NCR1: variants seen among roughly 807,000 people sequenced by gnomAD.
The protein encoded by NCR1 is NK cell-activating receptor.
A neutral mutation model predicts 32.5 loss-of-function variants in NCR1; 30 were observed. That is an observed-to-expected ratio of 0.92 (90% CI 0.69 to 1.25). NCR1 has a LOEUF of 1.25. NCR1 is among the 50% of genes most tolerant of loss of function. NCR1 has a pLI of 0.00. For synonymous variants in NCR1, 169 were observed against 143.4 expected (o/e 1.18, Z -1.28); for missense variants, 369 against 380.7 (o/e 0.97, Z 0.26).
chr19:54,903,399 T>TACACGCATAC (rs1569535593), upstream of NCR1, among the ~76,000 whole-genome samples: 1,418 of 138,902 alleles, frequency 0.01, 49 homozygotes, highest in South Asian at 0.024. Context: ...CATATATGTA[T>TACACGCATAC]ATGTATGTAT....
the NCR1 span, chr19:54,936,400 G>A: frequency 2.2e-5 from 36 of 1,614,004 alleles, no homozygotes; most frequent in East Asian, 4.5e-5. Flanking sequence ...CAGAAGTCCC[G>A]GTACGCGGTG....
chr19:54,902,126 A>G (rs929214965), upstream of NCR1, among the ~76,000 whole-genome samples: 5 of 152,220 alleles, frequency 3.3e-5, no homozygotes, highest in African/African-American at 1.2e-4. Flanking sequence ...TTGAACATTA[A>G]TAACAGAATG....
chr19:54,914,636 G>A (rs568448812), downstream of NCR1, among the ~76,000 whole-genome samples: 4 of 152,166 alleles, frequency 2.6e-5, no homozygotes, highest in African/African-American at 9.6e-5. Context: ...ACCGTACCCG[G>A]CCACCATCTT....
chr19:54,934,598 T>G, the NCR1 span: 1 of 1,614,148 alleles, frequency 6.2e-7, no homozygotes, highest in Non-Finnish European at 8.5e-7. The surrounding 1 kb of genome is among the most constrained non-coding windows in gnomAD (Gnocchi z 6.7). Context: ...AGGGACTGGT[T>G]GGCTTTGAGG....
chr19:54,916,338 T>TTTTTTGG (rs1556721210), downstream of NCR1, among the ~76,000 whole-genome samples: 1 of 132,024 alleles, frequency 7.6e-6, no homozygotes, highest in African/African-American at 2.9e-5. Context: ...TTTTTTTTTT[T>TTTTTTGG]GAGACGAAGT....
At chr19:54,900,590 G>T in the NCR1 span, among the ~76,000 whole-genome samples, 3 of 152,234 alleles carry the variant, frequency 2.0e-5, no homozygotes, top group Admixed American at 6.5e-5. Context: ...GGGCTCAGAG[G>T]CCTGACAGTC....
intron 3 of NCR1, among the ~76,000 whole-genome samples, chr19:54,908,134 G>A (rs932107978): frequency 2.0e-5 from 3 of 152,060 alleles, no homozygotes; most frequent in Non-Finnish European, 2.9e-5. Flanking sequence ...AGGTCCCTGC[G>A]GCCTTCCGCA....
At chr19:54,898,838 G>T in the NCR1 span, among the ~76,000 whole-genome samples, 2 of 152,160 alleles carry the variant, frequency 1.3e-5, no homozygotes, top group African/African-American at 4.8e-5. Flanking sequence ...AGAGGAAATT[G>T]CTGGGCAGTT....
chr19:54,936,936 G>A, the NCR1 span, among the ~76,000 whole-genome samples: 4 of 151,114 alleles, frequency 2.6e-5, no homozygotes, highest in East Asian at 2.0e-4. Context: ...AAATTCGCCG[G>A]GTGTGGTGGC....
the NCR1 span, among the ~76,000 whole-genome samples, chr19:54,937,489 C>T: frequency 2.3e-3 from 345 of 151,758 alleles, 1 homozygote; most frequent in African/African-American, 8.1e-3. Flanking sequence ...GTCAGGAGTT[C>T]GAGACAAGCC....
the NCR1 span, among the ~76,000 whole-genome samples, chr19:54,935,809 G>T: frequency 6.6e-6 from 1 of 151,878 alleles, no homozygotes; most frequent in South Asian, 2.1e-4. Flanking sequence ...GGCTCCCAAA[G>T]TGCGAGGATC....
downstream of NCR1, among the ~76,000 whole-genome samples, chr19:54,919,255 C>T (rs2068193780): frequency 6.6e-6 from 1 of 152,112 alleles, no homozygotes; most frequent in Admixed American, 6.6e-5. Context: ...GCCCGGGGGA[C>T]CACTACCACC....
chr19:54,912,699 T>A lies in NCR1; in HGVS notation c.743T>A (p.Leu248His). ...TETGLQKDHA[L>H]WDHTAQNLLR... ...GTTCTCCTGCCTACAGACCATGCCC[T>A]CTGGGATCACACTGCCCAGAATCTC... The change falls in exon 7 of 7, where the codon CTC becomes CAC. Residue 248 changes from leucine (L) to histidine (H), a missense_variant. Transcript: ENST00000291890. 6.4e-7 allele frequency: 1 copy of A among 1,552,182 alleles called. No homozygotes were observed. Among genetic ancestry groups the A allele is most frequent in the Non-Finnish European group, 8.8e-7 (1 of 1,137,232 alleles).
chr19:54,898,902 G>A, the NCR1 span, among the ~76,000 whole-genome samples: 6 of 152,128 alleles, frequency 3.9e-5, no homozygotes, highest in Non-Finnish European at 8.8e-5. Flanking sequence ...TGTGAGGAGG[G>A]GAGGTGATAA....
intron 5 of NCR1, among the ~76,000 whole-genome samples, chr19:54,911,254 C>T (rs1449520828): frequency 6.6e-6 from 1 of 150,882 alleles, no homozygotes; most frequent in Non-Finnish European, 1.5e-5. Context: ...GAGGCTGAGG[C>T]AGGAGAATGG....
At chr19:54,903,373 T>TGC (rs2067347744), upstream of NCR1, among the ~76,000 whole-genome samples, 1 of 128,616 alleles carries the variant, frequency 7.8e-6, no homozygotes, top group African/African-American at 3.3e-5. Context: ...CATGTATATA[T>TGC]ACATGTATGT....
At chr19:54,935,533 T>C in the NCR1 span, among the ~76,000 whole-genome samples, 1 of 151,884 alleles carries the variant, frequency 6.6e-6, no homozygotes, top group Non-Finnish European at 1.5e-5. Flanking sequence ...CTGTCTCTAT[T>C]AAAAATACAA....
chr19:54,919,847 A>G (rs2068213444), downstream of NCR1, among the ~76,000 whole-genome samples: 1 of 152,052 alleles, frequency 6.6e-6, no homozygotes, highest in African/African-American at 2.4e-5. Context: ...TCACCGCTAG[A>G]CCAAGGAGCC....
chr19:54,923,842 G>T, the NCR1 span: 1 of 1,614,012 alleles, frequency 6.2e-7, no homozygotes, highest in South Asian at 1.1e-5. Context: ...ACAGCTTCTT[G>T]ATTTCCAAAT....
Sources: allele counts gnomAD v4.1 joint callset (sites outside exome capture counted in the v4.1 genomes callset), GRCh38; gene constraint gnomAD v4.1.1; non-coding constraint Gnocchi (gnomAD v3.1); transcripts MANE v1.5; gene names NCBI Gene and HGNC (gene_info 2026-07-23, HGNC 2026-07-21).